Variants in TBC1D5 observed in about 807,000 individuals in gnomAD.
The protein encoded by TBC1D5 is TBC1 domain family member 5.
A neutral mutation model predicts 100.3 loss-of-function variants in TBC1D5; 75 were observed. That is an observed-to-expected ratio of 0.75 (90% CI 0.62 to 0.91). The LOEUF (loss-of-function observed/expected upper bound fraction) is 0.91, where lower values mean the gene tolerates loss of function less well. TBC1D5 is among the 40% of genes least tolerant of loss of function. TBC1D5 has a pLI of 0.00. For missense variants in TBC1D5, 910 were observed against 942.4 expected, an observed-to-expected ratio of 0.97 and a Z score of 0.45; for synonymous variants, 323 against 325.6, an observed-to-expected ratio of 0.99 and a Z score of 0.09.
rs1245033131 is a variant in TBC1D5, at chr3:17,435,463, CCTT to C, written c.98-6947_98-6945del. On this transcript the variant is annotated intron_variant, in intron 3 of 21. Coordinates refer to ENST00000253692, the Ensembl canonical transcript of TBC1D5. ...ATGATGGAAGGGGAAGCAAATATGT[CCTT>C]CTTCATATGGCAGCAGGATGGAGAA... Among the ~76,000 whole-genome samples, 5 of 152,232 alleles carry C rather than the reference CCTT, an allele frequency of 3.3e-5. No homozygotes were observed. The East Asian group carries it at 5.8e-4, about 18-fold the overall frequency.
chr3:17,276,414 T>G (rs976641284), intron 15 of TBC1D5, among the ~76,000 whole-genome samples: 3 of 152,092 alleles, frequency 2.0e-5, no homozygotes, highest in Non-Finnish European at 4.4e-5. Flanking sequence ...GTGAATGGGA[T>G]CAACATGGGG....
At chr3:17,611,183 G>T (rs1320518065) in intron 2 of TBC1D5, among the ~76,000 whole-genome samples, 1 of 152,156 alleles carries the variant, frequency 6.6e-6, no homozygotes, top group Non-Finnish European at 1.5e-5. Flanking sequence ...CTAAAAAAGG[G>T]AGGTGTCTGG....
intron 14 of TBC1D5, among the ~76,000 whole-genome samples, 163 bp downstream of exon 14, chr3:17,307,829 G>A (rs2083552248): frequency 6.6e-6 from 1 of 152,094 alleles, no homozygotes; most frequent in Non-Finnish European, 1.5e-5. Flanking sequence ...ACCAACAAAA[G>A]GGATGTTTAG....
chr3:17,661,658 G>C (rs574327632), intron 1 of TBC1D5, among the ~76,000 whole-genome samples: 2 of 151,924 alleles, frequency 1.3e-5, no homozygotes, highest in Non-Finnish European at 2.9e-5. Context: ...CTGCCACCTC[G>C]TTGGCTAATT....
chr3:17,705,542 G>A (rs1249393379), intron 1 of TBC1D5, among the ~76,000 whole-genome samples: 1 of 146,130 alleles, frequency 6.8e-6, no homozygotes, highest in Non-Finnish European at 1.5e-5. Context: ...GGGGCGGCCG[G>A]GCAGAGACGC....
intron 2 of TBC1D5, among the ~76,000 whole-genome samples, chr3:17,607,798 G>GT (rs2061429785): frequency 6.6e-6 from 1 of 152,036 alleles, no homozygotes. Context: ...TTTACTAGAG[G>GT]TTTTCTGTTA....
intron 2 of TBC1D5, among the ~76,000 whole-genome samples, chr3:17,569,599 A>G (rs2096614015): frequency 6.6e-6 from 1 of 151,700 alleles, no homozygotes; most frequent in East Asian, 1.9e-4. Context: ...AAACAGAGCA[A>G]ATAAAAAAAC....
At chr3:17,591,233 C>CCA (rs1186536103) in intron 2 of TBC1D5, among the ~76,000 whole-genome samples, 1 of 18,640 alleles carries the variant, frequency 5.4e-5, no homozygotes, top group Non-Finnish European at 1.4e-4. Flanking sequence ...AAGGATCTGT[C>CCA]AAAAAAAAAA....
At chr3:17,434,763 C>T (rs1258454774) in intron 3 of TBC1D5, among the ~76,000 whole-genome samples, 1 of 152,204 alleles carries the variant, frequency 6.6e-6, no homozygotes, top group Non-Finnish European at 1.5e-5. Context: ...TAACATTCCA[C>T]TCCCCGTTAC....
chr3:17,729,574 G>A (rs141975832), intron 1 of TBC1D5, among the ~76,000 whole-genome samples: 1 of 152,196 alleles, frequency 6.6e-6, no homozygotes, highest in Non-Finnish European at 1.5e-5. Context: ...GGGCGTTGTG[G>A]TACGCACCTG....
chr3:17,345,996 C>A (rs935161212), intron 13 of TBC1D5, among the ~76,000 whole-genome samples: 1 of 150,718 alleles, frequency 6.6e-6, no homozygotes, highest in Non-Finnish European at 1.5e-5. Flanking sequence ...GTGCAGCACA[C>A]CAGCATGGCA....
chr3:17,663,676 A>G (rs1030876472), intron 1 of TBC1D5, among the ~76,000 whole-genome samples: 6 of 152,166 alleles, frequency 3.9e-5, no homozygotes, highest in African/African-American at 1.4e-4. Flanking sequence ...TCTAACCAGT[A>G]AGTCCATTTC....
intron 1 of TBC1D5, among the ~76,000 whole-genome samples, chr3:17,680,911 G>T (rs2069361632): frequency 6.6e-6 from 1 of 151,382 alleles, no homozygotes; most frequent in African/African-American, 2.5e-5. Context: ...AACCACATGG[G>T]AGGTAGGCAG....
chr3:17,610,771 C>T (rs2061616922), intron 2 of TBC1D5, among the ~76,000 whole-genome samples: 1 of 152,150 alleles, frequency 6.6e-6, no homozygotes, highest in Non-Finnish European at 1.5e-5. Context: ...AATCGCAGCA[C>T]TTTGGGAGGC....
At chr3:17,208,833 C>A (rs897156626) in intron 18 of TBC1D5, among the ~76,000 whole-genome samples, 2 of 152,194 alleles carry the variant, frequency 1.3e-5, no homozygotes, top group African/African-American at 4.8e-5. Context: ...ATTTGTTATT[C>A]TCTTACTCTG....
chr3:17,162,384 CCTGT>C (rs1208838319), intron 21 of TBC1D5, among the ~76,000 whole-genome samples: 1 of 152,224 alleles, frequency 6.6e-6, no homozygotes, highest in Non-Finnish European at 1.5e-5. Context: ...GGCCTTGAGC[CCTGT>C]CTGATAGGCC....
chr3:17,313,065 A>T (rs532294330), intron 13 of TBC1D5, among the ~76,000 whole-genome samples: 2 of 152,318 alleles, frequency 1.3e-5, no homozygotes, highest in East Asian at 1.9e-4. Flanking sequence ...AAGCTAATGC[A>T]TGATGGTAAT....
At chr3:17,584,677 G>A (rs750653584) in intron 2 of TBC1D5, among the ~76,000 whole-genome samples, 3 of 152,030 alleles carry the variant, frequency 2.0e-5, no homozygotes, top group Non-Finnish European at 4.4e-5. Context: ...GTTGACTTAC[G>A]TATTTATTTA....
At chr3:17,603,074 T>A (rs183503743) in intron 2 of TBC1D5, among the ~76,000 whole-genome samples, 1 of 152,058 alleles carries the variant, frequency 6.6e-6, no homozygotes, top group East Asian at 1.9e-4. Context: ...AAAATTCAGA[T>A]CTGTGGACTA....
Sources: allele counts gnomAD v4.1 joint callset (sites outside exome capture counted in the v4.1 genomes callset), GRCh38; gene constraint gnomAD v4.1.1; transcripts MANE v1.5; gene names NCBI Gene and HGNC (gene_info 2026-07-23, HGNC 2026-07-21).